GRIA4: variants seen among roughly 807,000 people sequenced by gnomAD.
GRIA4 encodes glutamate receptor 4.
Under a neutral mutation model 104.0 loss-of-function variants are expected in GRIA4, and 34 were observed. That is an observed-to-expected ratio of 0.33 (90% CI 0.25 to 0.44). The LOEUF (loss-of-function observed/expected upper bound fraction) is 0.44, where lower values mean the gene tolerates loss of function less well. Ranked by LOEUF, GRIA4 falls within the 20% of genes least tolerant of loss-of-function variation. The pLI is 1.00. For synonymous variants in GRIA4, 386 were observed against 381.9 expected (o/e 1.01, Z -0.13); for missense variants, 750 against 1,096.5 (o/e 0.68, Z 4.46).
At chr11:105,720,712 A>T (rs1030851278) in intron 3 of GRIA4, among the ~76,000 whole-genome samples, 1 of 152,132 alleles carries the variant, frequency 6.6e-6, no homozygotes, top group Non-Finnish European at 1.5e-5. Context: ...TCAAATGGCC[A>T]TCCACATTTA....
At chr11:105,831,198 T>G (rs968158161) in intron 4 of GRIA4, among the ~76,000 whole-genome samples, 10 of 152,054 alleles carry the variant, frequency 6.6e-5, no homozygotes, top group Non-Finnish European at 1.3e-4. Context: ...AGCTCTCAGC[T>G]GGTATCTCCA....
intron 3 of GRIA4, among the ~76,000 whole-genome samples, chr11:105,695,238 GT>G (rs1156715674): frequency 6.6e-6 from 1 of 152,116 alleles, no homozygotes; most frequent in East Asian, 1.9e-4. Context: ...AGGTTTGTTG[GT>G]TTTGATCTAT....
At position 105,980,358 on chromosome 11, in the gene GRIA4, A is replaced by G. The variant is rs1859209776; in HGVS notation, c.*619A>G. 1 of 152,642 alleles carries G rather than the reference A, an allele frequency of 6.6e-6. No individual in the cohort carries two copies. Among genetic ancestry groups the G allele is most frequent in the Non-Finnish European group, 1.5e-5 (1 of 68,040 alleles). The allele number at this position is 152,642 out of a possible 1,614,324, so 9.5% of individuals were successfully genotyped here. A position where few individuals can be genotyped will look rare whatever the true frequency, so the allele number is the denominator to read the frequency against. On this transcript the variant is annotated 3_prime_UTR_variant, in exon 17 of 17. Transcript: ENST00000282499. ...TGACGTAAATTCAGTAGAGGACAAC[A>G]CAATTCTTTTTTCTAACCATCTTAG... is the stretch of plus-strand genomic sequence containing the variant.
At chr11:105,838,553 G>C (rs1299493078) in intron 4 of GRIA4, among the ~76,000 whole-genome samples, 1 of 152,202 alleles carries the variant, frequency 6.6e-6, no homozygotes, top group Non-Finnish European at 1.5e-5. Context: ...CCTTTGGTTA[G>C]TAGGTTAAAA....
intron 3 of GRIA4, among the ~76,000 whole-genome samples, chr11:105,721,589 T>A (rs560677323): frequency 1.3e-5 from 2 of 152,350 alleles, no homozygotes; most frequent in African/African-American, 4.8e-5. Flanking sequence ...ACTGTACAAA[T>A]GCCAAAGAGA....
intron 4 of GRIA4, among the ~76,000 whole-genome samples, chr11:105,835,564 T>C (rs1300127154): frequency 6.6e-6 from 1 of 152,094 alleles, no homozygotes; most frequent in Non-Finnish European, 1.5e-5. Context: ...GTGTGTGTTT[T>C]CTTTCTTTTT....
intron 4 of GRIA4, among the ~76,000 whole-genome samples, chr11:105,788,472 A>G (rs866742040): frequency 6.6e-6 from 1 of 152,206 alleles, no homozygotes; most frequent in Non-Finnish European, 1.5e-5. Context: ...TCACAATAAC[A>G]AGGTCACTGA....
chr11:105,660,702 CAGAT>C (rs1951981477), intron 3 of GRIA4, among the ~76,000 whole-genome samples: 1 of 151,072 alleles, frequency 6.6e-6, no homozygotes, highest in African/African-American at 2.4e-5. Context: ...TAATATTAAA[CAGAT>C]AGGGATGGGG....
intron 3 of GRIA4, among the ~76,000 whole-genome samples, chr11:105,695,123 C>T (rs1207255438): frequency 2.6e-5 from 4 of 152,276 alleles, no homozygotes; most frequent in Middle Eastern, 6.8e-3. Context: ...ACATGCCAAA[C>T]CACTGTCTCT....
intron 4 of GRIA4, among the ~76,000 whole-genome samples, chr11:105,799,204 G>C (rs1336536032): frequency 6.6e-6 from 1 of 152,096 alleles, no homozygotes; most frequent in East Asian, 1.9e-4. Context: ...AGGGAAGAGT[G>C]ATCAGTGTGG....
chr11:105,840,634 A>G (rs1161585248), intron 4 of GRIA4, among the ~76,000 whole-genome samples: 1 of 152,226 alleles, frequency 6.6e-6, no homozygotes, highest in Non-Finnish European at 1.5e-5. Context: ...TGCGGTTTCT[A>G]TACGATATTA....
intron 5 of GRIA4, among the ~76,000 whole-genome samples, chr11:105,881,024 A>G (rs1236503083): frequency 6.6e-6 from 1 of 152,200 alleles, no homozygotes; most frequent in Admixed American, 6.5e-5. Flanking sequence ...TTTGTTTGGG[A>G]AGTAAAGAAC....
At chr11:105,928,990 T>C (rs1044028527) in intron 13 of GRIA4, among the ~76,000 whole-genome samples, 2 of 152,104 alleles carry the variant, frequency 1.3e-5, no homozygotes, top group Non-Finnish European at 2.9e-5. Context: ...CTTCAGTTTT[T>C]AAATTGGAAG....
At chr11:105,847,058 A>G (rs1363916122) in intron 4 of GRIA4, among the ~76,000 whole-genome samples, 4 of 151,690 alleles carry the variant, frequency 2.6e-5, no homozygotes, top group African/African-American at 9.7e-5. Flanking sequence ...GTTCCACCTC[A>G]GATCATCAGG....
At chr11:105,716,756 A>G (rs1954103819) in intron 3 of GRIA4, among the ~76,000 whole-genome samples, 1 of 152,168 alleles carries the variant, frequency 6.6e-6, no homozygotes, top group Non-Finnish European at 1.5e-5. Context: ...CAGCAGAAAC[A>G]TCGGTATGTA....
chr11:105,947,036 A>T (rs1469457743), intron 14 of GRIA4, among the ~76,000 whole-genome samples: 1 of 152,214 alleles, frequency 6.6e-6, no homozygotes, highest in Non-Finnish European at 1.5e-5. Context: ...TTGTTTTCTG[A>T]GCAGGAACAA....
intron 4 of GRIA4, among the ~76,000 whole-genome samples, chr11:105,826,090 T>C (rs772477746): frequency 3.3e-5 from 5 of 152,018 alleles, no homozygotes; most frequent in African/African-American, 4.8e-5. Context: ...GACGTGTGTG[T>C]ATAACCTTCA....
chr11:105,976,342 G>A (rs1858979907), intron 16 of GRIA4, among the ~76,000 whole-genome samples: 1 of 151,822 alleles, frequency 6.6e-6, no homozygotes, highest in Admixed American at 6.6e-5. Context: ...CAAAGTTCAG[G>A]GAAGTTATTA....
chr11:105,689,545 T>C (rs757437070), intron 3 of GRIA4, among the ~76,000 whole-genome samples: 89 of 152,314 alleles, frequency 5.8e-4, no homozygotes, highest in Non-Finnish European at 1.1e-3. Context: ...AACAGGCCCC[T>C]AAAATTCTCA....
Sources: allele counts gnomAD v4.1 joint callset (sites outside exome capture counted in the v4.1 genomes callset), GRCh38; gene constraint gnomAD v4.1.1; transcripts MANE v1.5; gene names NCBI Gene and HGNC (gene_info 2026-07-23, HGNC 2026-07-21).